The following OSBPL9 variants were observed in gnomAD, a reference collection of about 807,000 sequenced individuals.
OSBPL9 encodes the protein oxysterol-binding protein-related protein 9.
A neutral mutation model predicts 106.6 loss-of-function variants in OSBPL9; 40 were observed. The ratio of observed to expected loss-of-function variants is 0.38; its 90% confidence interval spans 0.29 to 0.49. OSBPL9 has a LOEUF of 0.49. OSBPL9 is among the 20% of genes least tolerant of loss of function. OSBPL9 has a pLI of 0.97. For missense variants in OSBPL9, 609 were observed against 887.2 expected, an observed-to-expected ratio of 0.69 and a Z score of 3.98; for synonymous variants, 269 against 295.4, an observed-to-expected ratio of 0.91 and a Z score of 0.92.
At chr1:51,745,027 T>G (rs951003748) in intron 4 of OSBPL9, 2 of 154,934 alleles carry the variant, frequency 1.3e-5, no homozygotes, top group East Asian at 1.9e-4. Flanking sequence ...AGGAGAAAAT[T>G]TAGAGGTTCT....
intron 8 of OSBPL9, among the ~76,000 whole-genome samples, chr1:51,751,101 A>G (rs1263868485): frequency 6.6e-6 from 1 of 151,826 alleles, no homozygotes; most frequent in Non-Finnish European, 1.5e-5. Flanking sequence ...TATATTTTTT[A>G]TTTTTTGAGA....
chr1:51,581,126 T>TGTTGCCCAG (rs1175777323), intron 1 of OSBPL9, among the ~76,000 whole-genome samples: 2 of 150,266 alleles, frequency 1.3e-5, no homozygotes, highest in Non-Finnish European at 3.0e-5. Flanking sequence ...GGTTTCACCA[T>TGTTGCCCAG]GTTGCCCAGG....
the OSBPL9 span, among the ~76,000 whole-genome samples, chr1:51,542,089 C>T: frequency 6.6e-6 from 1 of 152,070 alleles, no homozygotes; most frequent in South Asian, 2.1e-4. Context: ...GGTTTCACCA[C>T]GTTGCCCAGG....
At chr1:51,587,439 C>G (rs185493594) in intron 1 of OSBPL9, among the ~76,000 whole-genome samples, 1 of 152,328 alleles carries the variant, frequency 6.6e-6, no homozygotes, top group Non-Finnish European at 1.5e-5. Context: ...CCATGGCCTC[C>G]TATCCTCCAA....
At chr1:51,786,474 T>C in intron 21 of OSBPL9, 52 bp from the exon 22 acceptor site, 1 of 1,228,540 alleles carries the variant, frequency 8.1e-7, no homozygotes, top group South Asian at 1.3e-5. Context: ...GCATCTAACA[T>C]TAGGTTAGGG....
chr1:51,748,472 C>T (rs1041116946), intron 7 of OSBPL9, 74 bp downstream of exon 7: 2 of 1,351,902 alleles, frequency 1.5e-6, no homozygotes, highest in Non-Finnish European at 1.9e-6. Context: ...TTTTAAGCTG[C>T]CACTATTGAT....
At chr1:51,581,411 A>G (rs1645220891) in intron 1 of OSBPL9, among the ~76,000 whole-genome samples, 2 of 152,248 alleles carry the variant, frequency 1.3e-5, no homozygotes, top group Admixed American at 1.3e-4. Flanking sequence ...GGTATGTATC[A>G]GGTTTCTCCA....
At chr1:51,724,255 A>T (rs960291783) in intron 4 of OSBPL9, among the ~76,000 whole-genome samples, 81 of 151,804 alleles carry the variant, frequency 5.3e-4, no homozygotes, top group African/African-American at 1.9e-3. Context: ...CTCTCTCAGT[A>T]CTTTAAAGAA....
At chr1:51,531,253 G>C in the OSBPL9 span, among the ~76,000 whole-genome samples, 1 of 152,144 alleles carries the variant, frequency 6.6e-6, no homozygotes, top group African/African-American at 2.4e-5. Flanking sequence ...ACTCCAGCCT[G>C]GTGACTGAGC....
chr1:51,718,991 G>T (rs1571304230), intron 4 of OSBPL9, among the ~76,000 whole-genome samples: 1 of 152,208 alleles, frequency 6.6e-6, no homozygotes, highest in East Asian at 1.9e-4. Context: ...CCGTTTTCAT[G>T]GATTCAGCTA....
rs769205960 is a variant in OSBPL9 at position 51,787,767 on chromosome 1, G to A, written c.2189G>A (p.Arg730His). The A allele has an allele frequency of 8.1e-6, 13 of 1,613,108 alleles. No homozygotes were observed. The highest frequency in any genetic ancestry group is 5.0e-5 in the Admixed American group (3 of 59,984). The change falls in exon 24 of 24, where the codon CGT becomes CAT. Residue 730 changes from arginine to histidine, a missense_variant. Arg to His is a conservative substitution (Grantham distance 29). Coordinates refer to ENST00000428468, the MANE Select transcript of OSBPL9 (RefSeq NM_024586.6). ...CWVYDEPLLKRLGAAKH is the reference protein window; with the variant it reads ...CWVYDEPLLKHLGAAKH Reference sequence around the variant, plus strand: ...GTTTATGATGAACCATTACTGAAACGTCTTGGTGCTGCCAAGCATTAGGTT... The same window carrying A: ...GTTTATGATGAACCATTACTGAAACATCTTGGTGCTGCCAAGCATTAGGTT...
At chr1:51,667,542 G>T (rs891801730) in intron 2 of OSBPL9, among the ~76,000 whole-genome samples, 1 of 152,024 alleles carries the variant, frequency 6.6e-6, no homozygotes. Flanking sequence ...ATAACTTTTC[G>T]CCCTGTATTA....
chr1:51,705,657 C>T (rs571935984), intron 3 of OSBPL9, among the ~76,000 whole-genome samples: 107 of 151,786 alleles, frequency 7.0e-4, no homozygotes, highest in East Asian at 1.7e-3. Context: ...TCAGGTGATC[C>T]GCTGGCCTCA....
chr1:51,534,158 C>T, the OSBPL9 span, among the ~76,000 whole-genome samples: 19 of 150,902 alleles, frequency 1.3e-4, no homozygotes, highest in African/African-American at 4.4e-4. Flanking sequence ...GAGCTGAGAT[C>T]GTGCCACTGC....
the OSBPL9 span, among the ~76,000 whole-genome samples, chr1:51,564,052 CAAAAAAA>C: frequency 5.1e-4 from 14 of 27,384 alleles, 1 homozygote; most frequent in South Asian, 3.3e-3. Context: ...GAGATCATCT[CAAAAAAA>C]AAAAAAAAAA....
chr1:51,600,569 G>A (rs772181689), intron 2 of OSBPL9, among the ~76,000 whole-genome samples: 1 of 152,086 alleles, frequency 6.6e-6, no homozygotes, highest in Non-Finnish European at 1.5e-5. Context: ...ATTAAAACAT[G>A]TTTTCTTAGG....
chr1:51,755,377 TATTTTCTATATAG>T (rs1041273970), intron 8 of OSBPL9, among the ~76,000 whole-genome samples: 4 of 152,298 alleles, frequency 2.6e-5, no homozygotes, highest in African/African-American at 9.6e-5. Context: ...ATTAAGCAAA[TATTTTCTATATAG>T]ATTTTCTATA....
intron 9 of OSBPL9, chr1:51,759,545 T>C (rs569536687): frequency 6.6e-6 from 1 of 152,322 alleles, no homozygotes; most frequent in East Asian, 1.9e-4. Context: ...CTACTTAATA[T>C]ATATGTGAAG....
At chr1:51,640,717 TTATC>T (rs1199543879) in intron 1 of OSBPL9, among the ~76,000 whole-genome samples, 1 of 152,156 alleles carries the variant, frequency 6.6e-6, no homozygotes, top group Non-Finnish European at 1.5e-5. Flanking sequence ...GAGCAGACAT[TTATC>T]TATTAATAAT....
Sources: gnomAD v4.1 joint callset for allele counts (sites outside exome capture counted in the v4.1 genomes callset) on GRCh38, gnomAD v4.1.1 for gene constraint, MANE v1.5 for transcripts, NCBI Gene and HGNC (gene_info 2026-07-23, HGNC 2026-07-21) for gene names.